RORA: variants seen among roughly 807,000 people sequenced by gnomAD.
The protein encoded by RORA is nuclear receptor ROR-alpha.
RORA carries 7 observed loss-of-function variants against 69.5 expected under a neutral mutation model. That is an observed-to-expected ratio of 0.10 (90% confidence interval 0.06 to 0.19). The LOEUF (loss-of-function observed/expected upper bound fraction) is 0.19, where lower values mean the gene tolerates loss of function less well. Ranked by LOEUF, RORA falls within the 10% of genes least tolerant of loss-of-function variation. The probability of loss-of-function intolerance (pLI) is 1.00; values close to 1 mark genes in which losing one functional copy is unlikely to be tolerated. For missense variants in RORA, 457 were observed against 663.0 expected (o/e 0.69, Z 3.41); for synonymous variants, 261 against 240.8 (o/e 1.08, Z -0.78).
intron 1 of RORA, among the ~76,000 whole-genome samples, chr15:61,002,539 T>C (rs1894775027): frequency 6.6e-6 from 1 of 152,176 alleles, no homozygotes; most frequent in South Asian, 2.1e-4. Flanking sequence ...CATATAAAAA[T>C]ATTAAAGGGA....
chr15:60,786,733 G>A (rs1207544577), intron 1 of RORA, among the ~76,000 whole-genome samples: 1 of 152,246 alleles, frequency 6.6e-6, no homozygotes, highest in Non-Finnish European at 1.5e-5. Flanking sequence ...TCCTCCAGTG[G>A]TCCTTGGGCC....
In RORA at chr15:60,579,509, T is replaced by C. The variant is rs77548313; in HGVS notation, c.197-47658A>G. ...GGTAGTTCAACATAAACTGTGTGTA[T>C]AGAACAAAGAAATTACAGTACTGTT... On this transcript the variant is annotated intron_variant, in intron 2 of 10. Transcript: ENST00000335670. Among the ~76,000 whole-genome samples, 83 of 152,228 alleles carry C rather than the reference T, an allele frequency of 5.5e-4. 1 individual carries two copies. The East Asian group carries it at 0.014, about 25-fold the overall frequency.
chr15:60,520,489 G>A (rs904608395), intron 3 of RORA, among the ~76,000 whole-genome samples: 1 of 152,144 alleles, frequency 6.6e-6, no homozygotes, highest in Non-Finnish European at 1.5e-5. Flanking sequence ...ATAAGAGGAA[G>A]AAGGATTAGA....
chr15:60,614,841 A>T, intron 2 of RORA: 1 of 1,418,842 alleles, frequency 7.0e-7, no homozygotes, highest in South Asian at 1.2e-5. Flanking sequence ...AGACACTGAC[A>T]TGCTTACATA....
At chr15:60,832,342 T>C (rs1279702983) in intron 1 of RORA, among the ~76,000 whole-genome samples, 1 of 152,102 alleles carries the variant, frequency 6.6e-6, no homozygotes, top group Non-Finnish European at 1.5e-5. Context: ...TCCTGGGAAA[T>C]CCGGTAGTCT....
chr15:61,084,597 A>T (rs1471745834), intron 1 of RORA, among the ~76,000 whole-genome samples: 2 of 152,124 alleles, frequency 1.3e-5, no homozygotes, highest in Non-Finnish European at 2.9e-5. Context: ...CAACTATTCT[A>T]TTGCCAGTTT....
intron 1 of RORA, among the ~76,000 whole-genome samples, chr15:61,144,990 G>T (rs12909218): frequency 0.63 from 95,400 of 152,028 alleles, 32,159 homozygotes; most frequent in Non-Finnish European, 0.77. Flanking sequence ...AATCTGAACA[G>T]GAATTTGAGA....
At position 60,515,939 on chromosome 15, in the gene RORA, T is replaced by TTA. The variant is rs1241296095; in HGVS notation, c.283-1184_283-1183dup. Among the ~76,000 whole-genome samples the TTA allele has an allele frequency of 7.8e-3, 254 of 32,522 alleles. 15 individuals are homozygous for TTA. The highest frequency in any genetic ancestry group is 0.04 in the African/African-American group (250 of 6,220). 21.3% of individuals were successfully genotyped at this position (32,522 alleles called of 152,430 possible). The stretch of plus-strand genomic sequence containing the variant: ...TTTATATATATATTTATATATATAT[T>TTA]TATATATATTTATATATTTATATTT... On this transcript the variant is annotated intron_variant, in intron 3 of 10. Coordinates refer to ENST00000335670, the MANE Select transcript of RORA (RefSeq NM_134261.3).
chr15:60,704,951 A>C (rs1030618995), intron 1 of RORA, among the ~76,000 whole-genome samples: 5 of 152,206 alleles, frequency 3.3e-5, no homozygotes, highest in African/African-American at 1.2e-4. Flanking sequence ...ATGGATTAAC[A>C]TCTGATTGGC....
At chr15:60,946,327 G>A (rs1342374728) in intron 1 of RORA, among the ~76,000 whole-genome samples, 1 of 152,056 alleles carries the variant, frequency 6.6e-6, no homozygotes. Flanking sequence ...AGCCGAAGCG[G>A]GACTGTACTG....
At chr15:60,709,526 T>A (rs7181662) in intron 1 of RORA, among the ~76,000 whole-genome samples, 92,706 of 151,770 alleles carry the variant, frequency 0.61, 28,642 homozygotes, top group East Asian at 0.91. Flanking sequence ...AACCAGCATT[T>A]CCACCTGAGC....
intron 1 of RORA, among the ~76,000 whole-genome samples, chr15:60,810,561 G>A (rs1456036914): frequency 1.3e-5 from 2 of 151,930 alleles, no homozygotes; most frequent in Non-Finnish European, 2.9e-5. Flanking sequence ...TTTTTCTCTC[G>A]TTTTTTGCTT....
intron 1 of RORA, among the ~76,000 whole-genome samples, chr15:61,043,906 A>G (rs1277123163): frequency 6.6e-6 from 1 of 152,190 alleles, no homozygotes; most frequent in Non-Finnish European, 1.5e-5. Flanking sequence ...AAGCAGTCTG[A>G]AACTTCAAGA....
chr15:60,648,703 A>AG (rs2070095132), intron 2 of RORA, among the ~76,000 whole-genome samples: 1 of 152,156 alleles, frequency 6.6e-6, no homozygotes, highest in South Asian at 2.1e-4. Context: ...TACCTCACGG[A>AG]GGGGGTCTCA....
chr15:60,617,111 A>G (rs2069264308), intron 2 of RORA, among the ~76,000 whole-genome samples: 2 of 152,202 alleles, frequency 1.3e-5, no homozygotes, highest in Non-Finnish European at 2.9e-5. Flanking sequence ...TATCAGAGGC[A>G]GGGGTGATAT....
At chr15:60,859,275 G>A (rs959798607) in intron 1 of RORA, among the ~76,000 whole-genome samples, 2 of 151,788 alleles carry the variant, frequency 1.3e-5, no homozygotes, top group African/African-American at 4.8e-5. Context: ...TGGCTTTGTC[G>A]TCTTCATCTG....
intron 2 of RORA, among the ~76,000 whole-genome samples, chr15:60,595,493 C>G (rs1399408677): frequency 6.7e-6 from 1 of 150,260 alleles, no homozygotes; most frequent in African/African-American, 2.5e-5. Context: ...CCAGCCTGGG[C>G]GACAGAGCAA....
At chr15:61,074,252 A>T (rs190598397) in intron 1 of RORA, among the ~76,000 whole-genome samples, 4 of 152,284 alleles carry the variant, frequency 2.6e-5, no homozygotes, top group African/African-American at 9.6e-5. Flanking sequence ...TATTTACGTT[A>T]CCCTTTGCAA....
intron 1 of RORA, among the ~76,000 whole-genome samples, chr15:61,086,699 T>C (rs979089119): frequency 5.3e-5 from 8 of 152,114 alleles, no homozygotes; most frequent in East Asian, 1.9e-4. Context: ...TTTTTTTTTT[T>C]CTCTAAATTT....
Sources: allele counts gnomAD v4.1 joint callset (sites outside exome capture counted in the v4.1 genomes callset), GRCh38; gene constraint gnomAD v4.1.1; transcripts MANE v1.5; gene names NCBI Gene and HGNC (gene_info 2026-07-23, HGNC 2026-07-21).